PTPRN2: variants seen among roughly 807,000 people sequenced by gnomAD.
The protein encoded by PTPRN2 is receptor-type tyrosine-protein phosphatase N2.
A neutral mutation model predicts 118.8 loss-of-function variants in PTPRN2; 74 were observed. The observed-to-expected ratio is 0.62, with a 90% CI of 0.52 to 0.76. PTPRN2 has a LOEUF of 0.76. Among genes scored for constraint, PTPRN2 ranks in the 30% least tolerant of loss-of-function variants. PTPRN2 has a pLI of 0.00. For missense variants in PTPRN2, 1,481 were observed against 1,394.4 expected (o/e 1.06, Z -0.99); for synonymous variants, 641 against 608.0 (o/e 1.05, Z -0.80).
At chr7:158,316,392 T>C (rs1259988777) in intron 3 of PTPRN2, among the ~76,000 whole-genome samples, 3 of 152,162 alleles carry the variant, frequency 2.0e-5, no homozygotes, top group African/African-American at 2.4e-5. Flanking sequence ...TTTTAAATTA[T>C]CATAATTTTA....
intron 11 of PTPRN2, among the ~76,000 whole-genome samples, chr7:157,975,051 G>T (rs1802637512): frequency 6.6e-6 from 1 of 152,106 alleles, no homozygotes; most frequent in Non-Finnish European, 1.5e-5. Flanking sequence ...TCACACTAAA[G>T]GCCTGGCCCG....
intron 11 of PTPRN2, among the ~76,000 whole-genome samples, chr7:158,063,571 A>G (rs1285059148): frequency 3.3e-5 from 5 of 152,162 alleles, no homozygotes; most frequent in Non-Finnish European, 7.4e-5. Flanking sequence ...CTTTGCAGTA[A>G]ATCTTGCTGC....
intron 11 of PTPRN2, among the ~76,000 whole-genome samples, chr7:157,994,587 T>TAAAAAAATC (rs1437720233): frequency 3.2e-5 from 3 of 93,224 alleles, no homozygotes; most frequent in African/African-American, 1.4e-4. Flanking sequence ...TCCTTGTTCC[T>TAAAAAAATC]AAATCAATGC....
intron 7 of PTPRN2, among the ~76,000 whole-genome samples, chr7:158,137,555 T>C (rs528435881): frequency 1.3e-5 from 2 of 152,216 alleles, no homozygotes; most frequent in East Asian, 3.9e-4. Flanking sequence ...CTAGCCATGG[T>C]GCGGGTCCCG....
intron 12 of PTPRN2, among the ~76,000 whole-genome samples, chr7:157,821,734 T>C (rs974340934): frequency 2.6e-5 from 4 of 152,044 alleles, no homozygotes; most frequent in African/African-American, 9.7e-5. Context: ...CTGAGGTAGA[T>C]GGAGGATTGG....
At chr7:158,176,077 G>A (rs1180983377) in intron 5 of PTPRN2, among the ~76,000 whole-genome samples, 1 of 151,764 alleles carries the variant, frequency 6.6e-6, no homozygotes, top group Non-Finnish European at 1.5e-5. Flanking sequence ...ACCCTACTTT[G>A]CCCGCCACTC....
Position 158,587,723 on chromosome 7 carries a change from A to G in PTPRN2, c.-54T>C. On this transcript the variant is annotated 5_prime_UTR_variant, in exon 1 of 23. Transcript: ENST00000389418. ...CCATGGCCGCGCGGGAGGCGGCGGGAGGCGGCCGAGTCCGGGCCCAGGGAG... is the reference window on the plus strand; with the variant it reads ...CCATGGCCGCGCGGGAGGCGGCGGGGGGCGGCCGAGTCCGGGCCCAGGGAG... 8.8e-7 allele frequency: 1 copy of G among 1,137,994 alleles called. No homozygotes were observed. Among genetic ancestry groups the G allele is most frequent in the South Asian group, 4.3e-5 (1 of 23,394 alleles). The allele number at this position is 1,137,994 out of a possible 1,614,324, so 70.5% of individuals were successfully genotyped here. A position where few individuals can be genotyped will look rare whatever the true frequency, so the allele number is the denominator to read the frequency against.
In PTPRN2 at chr7:157,648,657, C is replaced by T. The variant is rs1368471807; in HGVS notation, c.2196+7700G>A. On this transcript the variant is annotated intron_variant, in intron 14 of 22. Transcript: ENST00000389418. ...TTGGACCCATCCAGCATGCACTGAA[C>T]TCGGTGGGTCAGACCCTTTCACTGT... Among the ~76,000 whole-genome samples the T allele has an allele frequency of 3.5e-5, 5 of 143,144 alleles. No individual in the cohort carries two copies. The Admixed American group carries it at 3.6e-4, about 10-fold the overall frequency. The allele number at this position is 143,144 out of a possible 152,430, so 93.9% of individuals were successfully genotyped here.
At chr7:158,134,961 A>G (rs544328877) in intron 8 of PTPRN2, among the ~76,000 whole-genome samples, 1 of 152,250 alleles carries the variant, frequency 6.6e-6, no homozygotes, top group South Asian at 2.1e-4. Context: ...AGGGCCATCA[A>G]AGACATGATC....
chr7:157,747,004 T>G (rs1800992558), intron 12 of PTPRN2, among the ~76,000 whole-genome samples: 1 of 150,304 alleles, frequency 6.7e-6, no homozygotes, highest in South Asian at 2.1e-4. Context: ...GAGGCCTGTG[T>G]CCCTGAGCTG....
At chr7:157,657,334 C>G (rs1256078300) in intron 13 of PTPRN2, among the ~76,000 whole-genome samples, 5 of 136,642 alleles carry the variant, frequency 3.7e-5, no homozygotes, top group African/African-American at 1.4e-4. Flanking sequence ...CACATATACA[C>G]ACACATACAC....
intron 2 of PTPRN2, among the ~76,000 whole-genome samples, chr7:158,350,991 CA>C (rs1234632414): frequency 6.6e-6 from 1 of 152,208 alleles, no homozygotes; most frequent in Non-Finnish European, 1.5e-5. Context: ...CCAGTTCCGT[CA>C]ACTGCCTGGA....
rs1797897177 is a variant in PTPRN2, at chr7:158,266,551, G to A, written c.277+50268C>T. Among the ~76,000 whole-genome samples, 4 of 152,160 alleles carry A rather than the reference G, an allele frequency of 2.6e-5. No individual in the cohort carries two copies. In the South Asian group the frequency reaches 8.3e-4, roughly 32 times the overall value. On this transcript the variant is annotated intron_variant, in intron 3 of 22. Transcript: ENST00000389418. Reference sequence around the variant, plus strand: ...GTCTGCTGCGGTGTGATGTCTGGCAGAAAGAGCCGGGGCCAGTGTGGCTGT... The same window carrying A: ...GTCTGCTGCGGTGTGATGTCTGGCAAAAAGAGCCGGGGCCAGTGTGGCTGT...
At chr7:158,060,993 A>G (rs1001798789) in intron 11 of PTPRN2, among the ~76,000 whole-genome samples, 2 of 152,210 alleles carry the variant, frequency 1.3e-5, no homozygotes, top group Non-Finnish European at 2.9e-5. Context: ...TCAAACTGAC[A>G]TTTCCTTAAA....
intron 1 of PTPRN2, among the ~76,000 whole-genome samples, chr7:158,581,395 G>C (rs984814004): frequency 2.0e-5 from 3 of 152,196 alleles, no homozygotes; most frequent in Non-Finnish European, 4.4e-5. Context: ...GGATGGGAGA[G>C]GCTGTCACTG....
intron 2 of PTPRN2, among the ~76,000 whole-genome samples, chr7:158,365,967 T>C (rs1355028926): frequency 5.4e-3 from 349 of 64,292 alleles, no homozygotes; most frequent in East Asian, 0.011. Flanking sequence ...CATGCACACA[T>C]GCACACACAC....
chr7:157,799,576 C>A (rs542753338), intron 12 of PTPRN2, among the ~76,000 whole-genome samples: 1 of 152,100 alleles, frequency 6.6e-6, no homozygotes, highest in Non-Finnish European at 1.5e-5. Context: ...ACTGCCCCTC[C>A]GACTGGCCCA....
chr7:158,130,675 GTACA>G (rs952869661), intron 9 of PTPRN2, among the ~76,000 whole-genome samples: 10 of 124,916 alleles, frequency 8.0e-5, no homozygotes, highest in South Asian at 5.5e-4. Context: ...ACACACACAC[GTACA>G]TACAGACACA....
At chr7:158,207,168 A>G (rs1827221867) in intron 3 of PTPRN2, among the ~76,000 whole-genome samples, 1 of 143,850 alleles carries the variant, frequency 7.0e-6, no homozygotes, top group Non-Finnish European at 1.5e-5. Flanking sequence ...ATAGTATTCC[A>G]TGGTGTATAT....
Sources: allele counts gnomAD v4.1 joint callset (sites outside exome capture counted in the v4.1 genomes callset), GRCh38; gene constraint gnomAD v4.1.1; transcripts MANE v1.5; gene names NCBI Gene and HGNC (gene_info 2026-07-23, HGNC 2026-07-21).